Variants in CTSB observed in about 807,000 individuals in gnomAD.
CTSB encodes cathepsin B, also known as APP secretase.
CTSB carries 57 observed loss-of-function variants against 44.3 expected under a neutral mutation model. That is an observed-to-expected ratio of 1.29 (90% CI 1.04 to 1.60). CTSB has a LOEUF of 1.60. CTSB is among the 40% of genes most tolerant of loss of function. The pLI, the probability that CTSB is intolerant of heterozygous loss-of-function variation, is 0.00. For synonymous variants in CTSB, 320 were observed against 168.0 expected (o/e 1.91, Z -7.00); for missense variants, 768 against 443.0 (o/e 1.73, Z -6.59).
chr8:11,867,071 C>T (rs1191686299), intron 1 of CTSB, among the ~76,000 whole-genome samples: 1 of 152,140 alleles, frequency 6.6e-6, no homozygotes, highest in Non-Finnish European at 1.5e-5. Context: ...GCGCTAGGGT[C>T]CTTTTCTTTG....
chr8:11,866,611 A>T (rs1489165326), intron 1 of CTSB, among the ~76,000 whole-genome samples: 3 of 152,184 alleles, frequency 2.0e-5, no homozygotes, highest in Non-Finnish European at 4.4e-5. Flanking sequence ...AGGCACCGTG[A>T]CTCACCGGGA....
At chr8:11,846,664 G>A (rs1030954522) in intron 8 of CTSB, among the ~76,000 whole-genome samples, 11 of 152,192 alleles carry the variant, frequency 7.2e-5, no homozygotes, top group South Asian at 6.2e-4. Context: ...GTGCAAACAC[G>A]AACGGCCTGC....
In CTSB at chr8:11,847,136, T is replaced by C. The variant is rs138489258; in HGVS notation, c.709A>G (p.Lys237Glu). 4.3e-4 allele frequency: 684 copies of C among 1,594,686 alleles called. 6 individuals are homozygous for C. In the South Asian group the frequency reaches 5.3e-3, roughly 12 times the overall value. ...TTGTAGATCTCGGCCATGATGTCCT[T>C]CTCGCTATTGGAGACGCTGTAGGAA... ...YNSYSVSNSE[K>E]DIMAEIYKNG... is the part of the protein sequence containing the mutation. Residue 237 changes from lysine (K) to glutamate (E), a missense_variant, in exon 8 of 10, where the codon AAG becomes GAG. By Grantham distance (56) the Lys-to-Glu change is moderately conservative. Coordinates refer to ENST00000353047, the MANE Select transcript of CTSB (RefSeq NM_001908.5).
chr8:11,855,264 C>G (rs1176030174), intron 1 of CTSB, among the ~76,000 whole-genome samples: 1 of 152,178 alleles, frequency 6.6e-6, no homozygotes, highest in Non-Finnish European at 1.5e-5. Flanking sequence ...TCGTGATCCA[C>G]CTGACTCAGC....
rs764080055 is a variant in CTSB at position 11,853,443 on chromosome 8, G to C, written c.12C>G (p.Leu4=). The C allele has an allele frequency of 3.1e-6, 5 of 1,611,788 alleles. No individual in the cohort carries two copies. Among genetic ancestry groups the C allele is most frequent in the African/African-American group, 1.3e-5 (1 of 74,298 alleles). The change falls in exon 2 of 10, where the codon CTC becomes CTG. Residue 4 remains leucine, a synonymous_variant. Transcript: ENST00000353047. MWQ[L]WASLCCLLVL... The stretch of plus-strand genomic sequence containing the variant: ...CCAGCAGGCAGCAGAGGGAGGCCCA[G>C]AGCTGCCACATGTTGGAAGCCGGAT...
chr8:11,844,979 G>T lies in CTSB; in HGVS notation c.*146C>A. 1.6e-6 allele frequency: 1 copy of T among 631,260 alleles called. No homozygotes were observed. Among genetic ancestry groups the T allele is most frequent in the Non-Finnish European group, 2.8e-6 (1 of 353,130 alleles). The allele number at this position is 631,260 out of a possible 1,614,324, so 39.1% of individuals were successfully genotyped here. A position where few individuals can be genotyped will look rare whatever the true frequency, so the allele number is the denominator to read the frequency against. On this transcript the variant is annotated 3_prime_UTR_variant, in exon 10 of 10. Coordinates refer to ENST00000353047, the MANE Select transcript of CTSB (RefSeq NM_001908.5). ...ACAGGCTGGGATGTAGCCAGGACTT[G>T]GTCTCCTTGGAAGACAGGTCTGATG...
chr8:11,864,646 A>C (rs1816866645), intron 1 of CTSB, among the ~76,000 whole-genome samples: 1 of 152,212 alleles, frequency 6.6e-6, no homozygotes. Context: ...TGAAACTAAA[A>C]AAGAGATTAG....
chr8:11,845,504 G>A (rs1234479957), intron 9 of CTSB, among the ~76,000 whole-genome samples, 157 bp downstream of exon 9: 1 of 152,210 alleles, frequency 6.6e-6, no homozygotes, highest in African/African-American at 2.4e-5. Flanking sequence ...CACAGCAAAA[G>A]GGAACTCCTG....
chr8:11,862,110 G>A (rs1297340733), intron 1 of CTSB, among the ~76,000 whole-genome samples: 1 of 152,086 alleles, frequency 6.6e-6, no homozygotes, highest in Non-Finnish European at 1.5e-5. Context: ...GGGAGGCTGA[G>A]GCAGGAGAAT....
At position 11,847,683 on chromosome 8, in the gene CTSB, G is replaced by T. The variant is rs775930029; in HGVS notation, c.672C>A (p.His224Gln). 1.9e-6 allele frequency: 3 copies of T among 1,555,794 alleles called. 1 individual carries two copies. In the South Asian group the frequency reaches 3.7e-5, roughly 19 times the overall value. Residue 224 changes from histidine to glutamine, a missense_variant, in exon 7 of 10, where the codon CAC becomes CAA. By Grantham distance (24) the His-to-Gln change is conservative (BLOSUM62 0). Coordinates refer to ENST00000353047, the MANE Select transcript of CTSB (RefSeq NM_001908.5). ...GCCAGGCCCCAGGCCCCTTACCGTA[G>T]TGCTTGTCCTGTTTGTAGGTCGGGC... ...GYSPTYKQDK[H>Q]YGYNSYSVSN...
chr8:11,848,498 C>T (rs1235101653), intron 5 of CTSB: 3 of 398,256 alleles, frequency 7.5e-6, no homozygotes, highest in East Asian at 1.1e-4. Context: ...TTAAAAACAC[C>T]ACCAGTTCTC....
chr8:11,851,299 C>G (rs1326612278), intron 3 of CTSB, among the ~76,000 whole-genome samples: 1 of 152,096 alleles, frequency 6.6e-6, no homozygotes, highest in African/African-American at 2.4e-5. Context: ...AATCGATTCT[C>G]GTGCCTCAGC....
In CTSB at chr8:11,843,452, G is replaced by C. The variant is rs1437829911; in HGVS notation, c.*1673C>G. The C allele has an allele frequency of 6.6e-6, 1 of 152,204 alleles. No individual in the cohort carries two copies. The highest frequency in any genetic ancestry group is 1.5e-5 in the Non-Finnish European group (1 of 68,066). The allele number at this position is 152,204 out of a possible 1,614,324, so 9.4% of individuals were successfully genotyped here. On this transcript the variant is annotated 3_prime_UTR_variant, in exon 10 of 10. Coordinates refer to ENST00000353047, the MANE Select transcript of CTSB (RefSeq NM_001908.5). ...TGAGGTGTACCTTGGCAGGACAGTG[G>C]AATGATTGCTGGTTCTTCTAGTTTG...
intron 5 of CTSB, 131 bp downstream of exon 5, chr8:11,848,915 C>A (rs553372733): frequency 3.1e-6 from 2 of 640,252 alleles, no homozygotes; most frequent in Admixed American, 5.1e-5. Flanking sequence ...GCCTGCCAGA[C>A]TCTCGGAGTC....
intron 1 of CTSB, 21 bp from the exon 2 acceptor site, chr8:11,853,500 C>G: frequency 6.3e-7 from 1 of 1,595,712 alleles, no homozygotes; most frequent in Non-Finnish European, 8.5e-7. Flanking sequence ...CAGAGGGCAT[C>G]AGGACACCTC....
At chr8:11,859,248 G>T (rs1459247512) in intron 1 of CTSB, among the ~76,000 whole-genome samples, 1 of 152,166 alleles carries the variant, frequency 6.6e-6, no homozygotes, top group Non-Finnish European at 1.5e-5. Flanking sequence ...GCCAAAAAGA[G>T]TGTGCGGCCA....
chr8:11,854,440 C>T (rs1815172966), intron 1 of CTSB, among the ~76,000 whole-genome samples: 1 of 151,766 alleles, frequency 6.6e-6, no homozygotes, highest in African/African-American at 2.4e-5. Flanking sequence ...AGCAACAATT[C>T]ATCTAGGAGA....
intron 1 of CTSB, among the ~76,000 whole-genome samples, chr8:11,862,805 TC>T (rs1487661468): frequency 2.6e-5 from 4 of 152,250 alleles, no homozygotes; most frequent in Non-Finnish European, 5.9e-5. Flanking sequence ...CCCTCCGGGC[TC>T]TTAGGGCAGA....
At chr8:11,853,618 G>T in intron 1 of CTSB, 139 bp from the exon 2 acceptor site, 6 of 805,138 alleles carry the variant, frequency 7.5e-6, no homozygotes, top group South Asian at 6.4e-5. Context: ...AGGAGCTGAG[G>T]TGTCTATGGG....
Sources: gnomAD v4.1 joint callset for allele counts (sites outside exome capture counted in the v4.1 genomes callset) on GRCh38, gnomAD v4.1.1 for gene constraint, MANE v1.5 for transcripts, NCBI Gene and HGNC (gene_info 2026-07-23, HGNC 2026-07-21) for gene names.